The following EBF4 variants were observed in gnomAD, a reference collection of about 807,000 sequenced individuals.
The protein encoded by EBF4 is transcription factor COE4.
Under a neutral mutation model 67.1 loss-of-function variants are expected in EBF4, and 34 were observed. That is an observed-to-expected ratio of 0.51 (90% CI 0.39 to 0.67). The LOEUF (loss-of-function observed/expected upper bound fraction) is 0.67, where lower values mean the gene tolerates loss of function less well. Ranked by LOEUF, EBF4 falls within the 30% of genes least tolerant of loss-of-function variation. The pLI, the probability that EBF4 is intolerant of heterozygous loss-of-function variation, is 0.00. For synonymous variants in EBF4, 387 were observed against 377.7 expected (o/e 1.02, Z -0.29); for missense variants, 837 against 873.3 (o/e 0.96, Z 0.52).
In EBF4 at chr20:2,755,442, C is replaced by G. The variant is rs533026720; in HGVS notation, c.1541-185C>G. 3.2e-5 allele frequency: 19 copies of G among 589,078 alleles called. No homozygotes were observed. Among genetic ancestry groups the G allele is most frequent in the Non-Finnish European group, 5.8e-5 (19 of 330,390 alleles). 36.5% of individuals were successfully genotyped at this position (589,078 alleles called of 1,614,324 possible). ...CATCCCCAGCCCCGAGAAAAGGTCT[C>G]CAGAACCGCTGAGAGGTCAGGGCTG... On this transcript the variant is annotated intron_variant, in intron 14 of 16. Coordinates refer to ENST00000609451, the Ensembl canonical transcript of EBF4. The surrounding 1 kb of genome is among the most constrained non-coding windows in gnomAD (Gnocchi z 4.7).
chr20:2,729,614 C>T (rs1304698010), intron 6 of EBF4, among the ~76,000 whole-genome samples: 1 of 152,090 alleles, frequency 6.6e-6, no homozygotes, highest in African/African-American at 2.4e-5. Context: ...ACCACAGTTC[C>T]TATTTTTCAC....
exon 13 of EBF4, chr20:2,752,177 A>G: frequency 7.0e-7 from 1 of 1,433,946 alleles, no homozygotes. Context: ...GCCCCGAGCC[A>G]CCCACACCCC....
Position 2,715,460 on chromosome 20 carries a change from A to G in EBF4, c.557+5818A>G, listed in dbSNP as rs2087595801. ...TGTGTCTCTTAATTTGAGTAAGTAC[A>G]AGAGTTTGTTTAGGATATAAACTAG... On this transcript the variant is annotated intron_variant, in intron 6 of 16. Transcript: ENST00000609451. Among the ~76,000 whole-genome samples, 3 of 152,340 alleles carry G rather than the reference A, an allele frequency of 2.0e-5. No homozygotes were observed. The South Asian group carries it at 6.2e-4, about 32-fold the overall frequency.
upstream of EBF4, chr20:2,693,020 G>T (rs2146350016): frequency 6.7e-6 from 1 of 149,450 alleles, no homozygotes; most frequent in South Asian, 1.8e-4. This position sits in a 1 kb window ranked among gnomAD's most constrained non-coding sequence, Gnocchi z 4.6. Flanking sequence ...TGGCGGCGGC[G>T]GCGTCTGCTG....
At chr20:2,758,942 C>T (rs1461636083) in exon 16 of EBF4, 1 of 1,551,822 alleles carries the variant, frequency 6.4e-7, no homozygotes, top group Non-Finnish European at 8.7e-7. Context: ...AAGTTTCACT[C>T]TCCAGCCCGG....
Position 2,750,081 on chromosome 20 carries a change from G to A in EBF4, c.1018+108G>A, listed in dbSNP as rs185373810. The A allele has an allele frequency of 5.4e-5, 77 of 1,429,836 alleles. No homozygotes were observed. The African/African-American group carries it at 9.7e-4, about 18-fold the overall frequency. 88.6% of individuals were successfully genotyped at this position (1,429,836 alleles called of 1,614,324 possible). The stretch of plus-strand genomic sequence containing the variant: ...AGGAGTTAGCCGAGCTCTACGCTGT[G>A]GCCACGACCCCTAGACGGCCCCGGG... On this transcript the variant is annotated intron_variant, in intron 10 of 16. Transcript: ENST00000609451.
intron 1 of EBF4, among the ~76,000 whole-genome samples, chr20:2,699,912 C>A (rs1427575248): frequency 1.3e-5 from 2 of 152,194 alleles, no homozygotes; most frequent in Admixed American, 1.3e-4. Context: ...CAGTTGGTAC[C>A]CACCCACATC....
intron 5 of EBF4, 125 bp from the exon 6 acceptor site, chr20:2,709,449 G>A: frequency 1.2e-6 from 1 of 856,088 alleles, no homozygotes; most frequent in African/African-American, 1.7e-5. Flanking sequence ...TCCAGCCCAG[G>A]GATTCCACAC....
rs982774057 is a variant in EBF4 at position 2,707,142 on chromosome 20, C to T, written c.415-805C>T. Among the ~76,000 whole-genome samples the T allele has an allele frequency of 4.6e-5, 7 of 152,116 alleles. No individual in the cohort carries two copies. Among genetic ancestry groups the T allele is most frequent in the Non-Finnish European group, 8.8e-5 (6 of 68,016 alleles). On this transcript the variant is annotated intron_variant, in intron 4 of 16. Transcript: ENST00000609451. This position sits in a 1 kb window ranked among gnomAD's most constrained non-coding sequence, Gnocchi z 4.6. ...TGGCAGCCTCCACCCAATCCCAGGG[C>T]AGAGGGAAGAATGGTTTGTTTCTAG...
rs2087453636 is a variant in EBF4, at chr20:2,706,078, G to A, written c.358+41G>A. 4.5e-6 allele frequency: 7 copies of A among 1,550,126 alleles called. No individual in the cohort carries two copies. In the Admixed American group the frequency reaches 7.8e-5, roughly 17 times the overall value. On this transcript the variant is annotated intron_variant, in intron 3 of 16. Coordinates refer to ENST00000609451, the Ensembl canonical transcript of EBF4. ...TGCCCTACCCAGCCCTGCCCCTGAAGTCTGGGCACTGCAGCATCATGCGAC... is the reference window on the plus strand; with the variant it reads ...TGCCCTACCCAGCCCTGCCCCTGAAATCTGGGCACTGCAGCATCATGCGAC...
At chr20:2,750,710 G>A (rs1296911501) in intron 10 of EBF4, among the ~76,000 whole-genome samples, 1 of 152,192 alleles carries the variant, frequency 6.6e-6, no homozygotes, top group Non-Finnish European at 1.5e-5. Flanking sequence ...AACGCGGAAA[G>A]GCTGAGCAGA....
At position 2,759,070 on chromosome 20, in the gene EBF4, A is replaced by G. The variant is rs565006625; in HGVS notation, c.*5+86A>G. The G allele has an allele frequency of 1.7e-4, 225 of 1,297,594 alleles. 1 individual carries two copies. Among genetic ancestry groups the G allele is most frequent in the South Asian group, 7.6e-4 (59 of 77,882 alleles). The allele number at this position is 1,297,594 out of a possible 1,614,324, so 80.4% of individuals were successfully genotyped here. A position where few individuals can be genotyped will look rare whatever the true frequency, so the allele number is the denominator to read the frequency against. ...TCTAAAGGCCTTCATCCTGTGCTCAAGCCTCCCCGCTAGCAGCCCCACAGG... is the reference window on the plus strand; with the variant it reads ...TCTAAAGGCCTTCATCCTGTGCTCAGGCCTCCCCGCTAGCAGCCCCACAGG... On this transcript the variant is annotated intron_variant, in intron 16 of 16. Transcript: ENST00000609451.
At chr20:2,699,393 T>C (rs1414537386) in intron 1 of EBF4, among the ~76,000 whole-genome samples, 1 of 152,222 alleles carries the variant, frequency 6.6e-6, no homozygotes, top group East Asian at 1.9e-4. Context: ...AACGTAAATC[T>C]TTTTTGGTGT....
At position 2,693,763 on chromosome 20, in the gene EBF4, G is replaced by A; in HGVS notation, c.118G>A (p.Ala40Thr). 1 of 1,336,418 alleles carries A rather than the reference G, an allele frequency of 7.5e-7. No individual in the cohort carries two copies. Among genetic ancestry groups the A allele is most frequent in the Non-Finnish European group, 9.6e-7 (1 of 1,045,694 alleles). The allele number at this position is 1,336,418 out of a possible 1,614,324, so 82.8% of individuals were successfully genotyped here. A position where few individuals can be genotyped will look rare whatever the true frequency, so the allele number is the denominator to read the frequency against. ...GATGCAGGGCGCGGGCATCCTGGAC[G>A]CCAGCACCGCGGCGCAGAGGTAAGC... Residue 40 changes from alanine (A) to threonine (T), a missense_variant, in exon 1 of 17, where the codon GCC becomes ACC. Ala to Thr is a moderately conservative substitution (Grantham distance 58, BLOSUM62 0). Around this residue, in one of 3 missense-constraint regions of EBF4, gnomAD observed 86 missense variants for 70.3 expected, o/e 1.22. Coordinates refer to ENST00000609451, the Ensembl canonical transcript of EBF4. This position sits in a 1 kb window ranked among gnomAD's most constrained non-coding sequence, Gnocchi z 4.6.
chr20:2,754,893 G>A (rs1303156046), intron 14 of EBF4, among the ~76,000 whole-genome samples: 1 of 151,564 alleles, frequency 6.6e-6, no homozygotes, highest in East Asian at 1.9e-4. Flanking sequence ...GAGTTTGAGA[G>A]CAGGAAGATC....
chr20:2,713,389 G>C (rs1486356117), intron 6 of EBF4, among the ~76,000 whole-genome samples: 1 of 152,132 alleles, frequency 6.6e-6, no homozygotes, highest in African/African-American at 2.4e-5. Context: ...TTTTCTCCAT[G>C]AACTGAGAAC....
intron 16 of EBF4, 31 bp downstream of exon 16, chr20:2,759,015 G>A (rs1403371957): frequency 1.6e-5 from 25 of 1,536,572 alleles, no homozygotes; most frequent in Non-Finnish European, 2.1e-5. Flanking sequence ...GGCCTCCCCC[G>A]CCCCACCTGG....
rs2088239276 is a variant in EBF4 at position 2,756,092 on chromosome 20, G to A, written c.1738+268G>A. ...AGGGGAAGAGACTCAAATCACAGTTGATGAGGTCTAGAAACTACCCCAACA... is the reference window on the plus strand; with the variant it reads ...AGGGGAAGAGACTCAAATCACAGTTAATGAGGTCTAGAAACTACCCCAACA... On this transcript the variant is annotated intron_variant, in intron 15 of 16. Transcript: ENST00000609451. The surrounding 1 kb of genome is among the most constrained non-coding windows in gnomAD (Gnocchi z 4.5). 6.6e-6 allele frequency among the ~76,000 whole-genome samples: 1 copy of A among 152,284 alleles called. No homozygotes were observed. The highest frequency in any genetic ancestry group is 2.4e-5 in the African/African-American group (1 of 41,552).
intron 14 of EBF4, among the ~76,000 whole-genome samples, chr20:2,754,209 C>T (rs957023045): frequency 2.6e-5 from 4 of 152,204 alleles, no homozygotes; most frequent in African/African-American, 7.2e-5. Flanking sequence ...CCACTCCCCA[C>T]GTTCAGGGTG....
Sources: allele counts gnomAD v4.1 joint callset (sites outside exome capture counted in the v4.1 genomes callset), GRCh38; gene constraint gnomAD v4.1.1; regional missense constraint gnomAD v4.1.1; non-coding constraint Gnocchi (gnomAD v3.1); transcripts MANE v1.5; gene names NCBI Gene and HGNC (gene_info 2026-07-23, HGNC 2026-07-21).